Variants in SHLD2 observed in about 807,000 individuals in gnomAD.
The protein encoded by SHLD2 is shieldin complex subunit 2, also known as RINN1-REV7-interacting novel NHEJ regulator 2.
A neutral mutation model predicts 73.2 loss-of-function variants in SHLD2; 30 were observed. The ratio of observed to expected loss-of-function variants is 0.41; its 90% CI spans 0.31 to 0.56. The LOEUF (loss-of-function observed/expected upper bound fraction) is 0.56. Ranked by LOEUF, SHLD2 falls within the 20% of genes least tolerant of loss-of-function variation. SHLD2 has a pLI of 0.28. For missense variants in SHLD2, 745 were observed against 1,055.9 expected (o/e 0.71, Z 4.08); for synonymous variants, 285 against 370.1 (o/e 0.77, Z 2.64).
intron 8 of SHLD2, among the ~76,000 whole-genome samples, chr10:87,184,270 C>CT (rs1411065121): frequency 6.6e-6 from 1 of 152,048 alleles, no homozygotes; most frequent in Non-Finnish European, 1.5e-5. Context: ...AATTCATCCA[C>CT]TTTTTTCCAT....
upstream of SHLD2, chr10:87,094,631 A>C (rs754583566): frequency 3.7e-6 from 6 of 1,606,884 alleles, no homozygotes; most frequent in East Asian, 1.3e-4. This position sits in a 1 kb window ranked among gnomAD's most constrained non-coding sequence, Gnocchi z 6.6. Flanking sequence ...CGGGCGGCCA[A>C]TGCCAGCCCC....
At position 87,164,387 on chromosome 10, in the gene SHLD2, G is replaced by A. The variant is rs146113933; in HGVS notation, c.1634-6091G>A. On this transcript the variant is annotated intron_variant, in intron 4 of 9. Coordinates refer to ENST00000298786, the MANE Select transcript of SHLD2 (RefSeq NM_001330112.2). The stretch of plus-strand genomic sequence containing the variant: ...CCCACTTCAGCCTTCCAAGTAGCCG[G>A]TACCATAGCTGTGCACTACCACGCC... 1.3e-3 allele frequency among the ~76,000 whole-genome samples: 201 copies of A among 152,150 alleles called. 3 individuals carry two copies. The East Asian group carries it at 0.021, about 16-fold the overall frequency.
chr10:87,160,631 G>A (rs1371918968), intron 4 of SHLD2, among the ~76,000 whole-genome samples: 1 of 151,958 alleles, frequency 6.6e-6, no homozygotes, highest in East Asian at 1.9e-4. Flanking sequence ...AAAAAGATAA[G>A]GATGTCCACT....
chr10:87,183,781 T>C (rs1848452198), intron 8 of SHLD2, among the ~76,000 whole-genome samples: 1 of 152,204 alleles, frequency 6.6e-6, no homozygotes, highest in Admixed American at 6.5e-5. Context: ...ATTCAGCATG[T>C]CAGTCCACTT....
intron 6 of SHLD2, among the ~76,000 whole-genome samples, chr10:87,174,912 G>A (rs534962933): frequency 2.0e-5 from 3 of 151,260 alleles, no homozygotes; most frequent in African/African-American, 4.9e-5. Context: ...TCAGGAGATC[G>A]AGACCATCCT....
intron 2 of SHLD2, among the ~76,000 whole-genome samples, chr10:87,100,309 C>T (rs989349158): frequency 1.3e-5 from 2 of 152,148 alleles, no homozygotes; most frequent in African/African-American, 4.8e-5. Flanking sequence ...CATTCTTTTG[C>T]ACGTGGCTAT....
chr10:87,152,645 TTAA>T lies in SHLD2; in HGVS notation c.1295_1297del (p.Ile432del). 6.2e-7 allele frequency: 1 copy of T among 1,610,696 alleles called. No homozygotes were observed. Among genetic ancestry groups the T allele is most frequent in the East Asian group, 2.2e-5 (1 of 44,834 alleles). The stretch of plus-strand genomic sequence containing the variant: ...ATTTAAGAGTATTAAAAAAACATCA[TTAA>T]TAAAAAACTGTGATTCTAAAAGCCA... On this transcript the variant is annotated inframe_deletion, in exon 3 of 10. Coordinates refer to ENST00000298786, the MANE Select transcript of SHLD2 (RefSeq NM_001330112.2).
chr10:87,131,777 A>G (rs1405881979), intron 2 of SHLD2, among the ~76,000 whole-genome samples: 3 of 152,184 alleles, frequency 2.0e-5, no homozygotes, highest in Non-Finnish European at 4.4e-5. Flanking sequence ...CTTTAACTTA[A>G]TGAGGAACTG....
chr10:87,160,657 C>A (rs1479728936), intron 4 of SHLD2, among the ~76,000 whole-genome samples: 1 of 152,010 alleles, frequency 6.6e-6, no homozygotes, highest in Non-Finnish European at 1.5e-5. Flanking sequence ...TGCAACTATT[C>A]ATCTTATACT....
At chr10:87,165,472 A>G (rs1847132193) in intron 4 of SHLD2, among the ~76,000 whole-genome samples, 1 of 152,236 alleles carries the variant, frequency 6.6e-6, no homozygotes, top group Non-Finnish European at 1.5e-5. Flanking sequence ...AAATGCTTTG[A>G]TATTATCCAT....
In SHLD2 at chr10:87,183,621, ACT is replaced by A. The variant is rs1302949156; in HGVS notation, c.2399+3326_2399+3327del. Among the ~76,000 whole-genome samples the A allele has an allele frequency of 2.0e-5, 3 of 151,360 alleles. No individual in the cohort carries two copies. In the East Asian group the frequency reaches 5.9e-4, roughly 30 times the overall value. ...AACTTTGTTAAAGAGTTTTAAATAT[ACT>A]CTCTCTCCCCTATTATGTCTTCAGT... is the stretch of plus-strand genomic sequence containing the variant. On this transcript the variant is annotated intron_variant, in intron 8 of 9. Transcript: ENST00000298786.
At position 87,175,964 on chromosome 10, in the gene SHLD2, C is replaced by T; in HGVS notation, c.2039C>T (p.Pro680Leu). 6.5e-7 allele frequency: 1 copy of T among 1,550,334 alleles called. No homozygotes were observed. Among genetic ancestry groups the T allele is most frequent in the Non-Finnish European group, 8.7e-7 (1 of 1,146,852 alleles). Residue 680 changes from proline to leucine, a missense_variant, in exon 7 of 10, where the codon CCT becomes CTT. This residue lies in a region of SHLD2 where 418 missense variants were observed against 567.8 expected (regional missense o/e 0.74). Coordinates refer to ENST00000298786, the MANE Select transcript of SHLD2 (RefSeq NM_001330112.2). ...TLENLELHTTPWSSCECLFDD... is the reference protein window; with the variant it reads ...TLENLELHTTLWSSCECLFDD... ...GAAAACCTAGAATTGCATACAACGC[C>T]TTGGTCATCCTGTGAGTGCTTGTTT...
At chr10:87,101,310 G>GA (rs1842251987) in intron 2 of SHLD2, among the ~76,000 whole-genome samples, 1 of 152,206 alleles carries the variant, frequency 6.6e-6, no homozygotes, top group South Asian at 2.1e-4. Flanking sequence ...ATTGGCCTTT[G>GA]AAAATTTAAG....
rs989761388 is a variant in SHLD2, at chr10:87,133,594, A to G, written c.-5-17756A>G. Among the ~76,000 whole-genome samples, 4 of 152,216 alleles carry G rather than the reference A, an allele frequency of 2.6e-5. No individual in the cohort carries two copies. In the East Asian group the frequency reaches 5.8e-4, roughly 22 times the overall value. Reference sequence around the variant, plus strand: ...GAACAATTGTTAATTGTCTTATTCTATTGTGAAGAATATCTGTAATTCCTG... The same window carrying G: ...GAACAATTGTTAATTGTCTTATTCTGTTGTGAAGAATATCTGTAATTCCTG... On this transcript the variant is annotated intron_variant, in intron 2 of 9. Coordinates refer to ENST00000298786, the MANE Select transcript of SHLD2 (RefSeq NM_001330112.2).
At chr10:87,140,535 C>A (rs1213254022) in intron 2 of SHLD2, among the ~76,000 whole-genome samples, 1 of 151,546 alleles carries the variant, frequency 6.6e-6, no homozygotes, top group African/African-American at 2.4e-5. Flanking sequence ...CACAGGAGTT[C>A]AAGACCAGCT....
chr10:87,098,427 T>C (rs6586055), intron 2 of SHLD2, among the ~76,000 whole-genome samples: 100,578 of 151,168 alleles, frequency 0.67, 33,902 homozygotes, highest in East Asian at 0.84. Flanking sequence ...GCAGGAGAAT[T>C]GCTTGAACCT....
In SHLD2 at chr10:87,191,396, G is replaced by A. The variant is rs969059000; in HGVS notation, c.*713G>A. ...GGAAGTATGGCGTGGTACTTATTCT[G>A]TAAGTTCAGAGTATGCTGAGTGTTA... On this transcript the variant is annotated 3_prime_UTR_variant, in exon 10 of 10. Transcript: ENST00000298786. The A allele has an allele frequency of 3.9e-5, 6 of 153,512 alleles. No individual in the cohort carries two copies. Among genetic ancestry groups the A allele is most frequent in the Admixed American group, 1.3e-4 (2 of 15,572 alleles). 9.5% of individuals were successfully genotyped at this position (153,512 alleles called of 1,614,324 possible).
Position 87,175,943 on chromosome 10 carries a change from A to T in SHLD2, c.2018A>T (p.Asn673Ile), listed in dbSNP as rs775339409. 21 of 1,550,688 alleles carry T rather than the reference A, an allele frequency of 1.4e-5. No homozygotes were observed. The highest frequency in any genetic ancestry group is 1.8e-5 in the Non-Finnish European group (21 of 1,146,924). The part of the protein sequence containing the change: ...LFVQCNYTLE[N>I]LELHTTPWSS... ...GTTCAGTGCAATTACACACTAGAAA[A>T]CCTAGAATTGCATACAACGCCTTGG... Residue 673 changes from asparagine (N) to isoleucine (I), a missense_variant, in exon 7 of 10, where the codon AAC becomes ATC. This residue lies in a region of SHLD2 where 418 missense variants were observed against 567.8 expected (regional missense o/e 0.74). Transcript: ENST00000298786.
At chr10:87,135,982 A>G (rs1435487518) in intron 2 of SHLD2, among the ~76,000 whole-genome samples, 1 of 151,694 alleles carries the variant, frequency 6.6e-6, no homozygotes, top group East Asian at 1.9e-4. Context: ...TGCGCAGCCT[A>G]CACTTAAGGC....
Sources: allele counts gnomAD v4.1 joint callset (sites outside exome capture counted in the v4.1 genomes callset), GRCh38; gene constraint gnomAD v4.1.1; regional missense constraint gnomAD v4.1.1; non-coding constraint Gnocchi (gnomAD v3.1); transcripts MANE v1.5; gene names NCBI Gene and HGNC (gene_info 2026-07-23, HGNC 2026-07-21).